Variants in KIRREL1 observed in about 807,000 individuals in gnomAD.
The protein encoded by KIRREL1 is kin of IRRE-like protein 1.
In KIRREL1, 25 loss-of-function variants were observed where a neutral mutation model predicts 83.3. That is an observed-to-expected ratio of 0.30 (90% CI 0.22 to 0.42). KIRREL1 has a LOEUF of 0.42. KIRREL1 is among the 10% of genes least tolerant of loss of function. The probability of loss-of-function intolerance (pLI) is 1.00; values close to 1 mark genes in which losing one functional copy is unlikely to be tolerated. For synonymous variants in KIRREL1, 388 were observed against 410.4 expected, an observed-to-expected ratio of 0.95 and a Z score of 0.66; for missense variants, 812 against 1,032.3, an observed-to-expected ratio of 0.79 and a Z score of 2.92.
chr1:158,009,379 A>T (rs1659607575), intron 1 of KIRREL1, among the ~76,000 whole-genome samples: 1 of 152,240 alleles, frequency 6.6e-6, no homozygotes. Flanking sequence ...CTTCATTGGT[A>T]AATGGGAATC....
At chr1:158,086,513 G>C in intron 4 of KIRREL1, 83 bp from the exon 5 acceptor site, 13 of 1,424,234 alleles carry the variant, frequency 9.1e-6, no homozygotes, top group Non-Finnish European at 6.7e-6. Flanking sequence ...TCCAGCCCAA[G>C]CCCATCTCTG....
chr1:158,096,592 G>A lies in KIRREL1; in HGVS notation c.*1472G>A, dbSNP rs559904415. ...CCCTGACAGAGAACTTGTGCTGACC[G>A]GGAGAAGGTGGTGCGGAAGGGCACC... is the stretch of plus-strand genomic sequence containing the variant. On this transcript the variant is annotated 3_prime_UTR_variant, in exon 15 of 15. Transcript: ENST00000359209. The A allele has an allele frequency of 7.6e-4, 347 of 456,972 alleles. 2 individuals are homozygous for A. Among genetic ancestry groups the A allele is most frequent in the African/African-American group, 6.1e-3 (308 of 50,160 alleles). 28.3% of individuals were successfully genotyped at this position (456,972 alleles called of 1,614,324 possible).
At position 158,042,297 on chromosome 1, in the gene KIRREL1, G is replaced by C. The variant is rs1257986633; in HGVS notation, c.53-33816G>C. 4.0e-5 allele frequency among the ~76,000 whole-genome samples: 6 copies of C among 151,702 alleles called. 1 individual carries two copies. The highest frequency in any genetic ancestry group is 3.9e-4 in the Admixed American group (6 of 15,220). The stretch of plus-strand genomic sequence containing the variant: ...AATAAGGTTTCCAGGTGAACGTGCA[G>C]GTAAGGGGGGCCCGGCCTAGATGCT... On this transcript the variant is annotated intron_variant, in intron 1 of 14. Transcript: ENST00000359209.
At chr1:158,087,729 C>T (rs1662056714) in intron 5 of KIRREL1, 26 bp from the exon 6 acceptor site, 1 of 1,560,696 alleles carries the variant, frequency 6.4e-7, no homozygotes, top group Non-Finnish European at 8.8e-7. Flanking sequence ...AGAAAAGACC[C>T]TGACTCCCTG....
At chr1:158,006,904 T>C (rs1009372909) in intron 1 of KIRREL1, among the ~76,000 whole-genome samples, 1 of 152,202 alleles carries the variant, frequency 6.6e-6, no homozygotes, top group Non-Finnish European at 1.5e-5. Context: ...GGAGCAGGAA[T>C]GTTTTCCTCT....
intron 7 of KIRREL1, 67 bp downstream of exon 7, chr1:158,088,221 C>T (rs533586748): frequency 8.4e-5 from 136 of 1,609,470 alleles, no homozygotes; most frequent in Middle Eastern, 1.6e-4. Context: ...TGGACAGAGT[C>T]GGGGACTGCT....
chr1:158,040,289 G>C (rs908275047), intron 1 of KIRREL1, among the ~76,000 whole-genome samples: 5 of 152,098 alleles, frequency 3.3e-5, no homozygotes, highest in African/African-American at 7.2e-5. Context: ...ATCTAACTGG[G>C]GAAAGAGACA....
intron 5 of KIRREL1, among the ~76,000 whole-genome samples, chr1:158,087,060 C>CCCTT (rs1306913646): frequency 2.0e-5 from 3 of 152,122 alleles, no homozygotes; most frequent in Non-Finnish European, 2.9e-5. Flanking sequence ...GGCCTACAGT[C>CCCTT]CCTTATTCAA....
chr1:158,088,663 T>G (rs1351272516), intron 8 of KIRREL1, among the ~76,000 whole-genome samples: 1 of 151,408 alleles, frequency 6.6e-6, no homozygotes, highest in Non-Finnish European at 1.5e-5. Flanking sequence ...TTTTTGTATT[T>G]TTAGTAGAGA....
At position 158,097,768 on chromosome 1, in the gene KIRREL1, A is replaced by G. The variant is rs1242760442; in HGVS notation, c.*2648A>G. 1 of 152,376 alleles carries G rather than the reference A, an allele frequency of 6.6e-6. No homozygotes were observed. Among genetic ancestry groups the G allele is most frequent in the Non-Finnish European group, 1.5e-5 (1 of 68,212 alleles). 9.4% of individuals were successfully genotyped at this position (152,376 alleles called of 1,614,324 possible). On this transcript the variant is annotated 3_prime_UTR_variant, in exon 15 of 15. Coordinates refer to ENST00000359209, the MANE Select transcript of KIRREL1 (RefSeq NM_018240.7). Reference sequence around the variant, plus strand: ...GAGTCCTGCAACATGGTGATGCCTCAGTAGTTGGTGATCCTGATCACCTTT... The same window carrying G: ...GAGTCCTGCAACATGGTGATGCCTCGGTAGTTGGTGATCCTGATCACCTTT...
At chr1:158,029,491 G>A (rs1660265467) in intron 1 of KIRREL1, among the ~76,000 whole-genome samples, 1 of 152,220 alleles carries the variant, frequency 6.6e-6, no homozygotes, top group South Asian at 2.1e-4. Context: ...GGGTTGGTTA[G>A]AAGGTGAATA....
In KIRREL1 at chr1:158,093,410, G is replaced by A. The variant is rs200523607; in HGVS notation, c.1543G>A (p.Ala515Thr). Residue 515 changes from alanine to threonine, a missense_variant, in exon 12 of 15, where the codon GCC becomes ACC. Coordinates refer to ENST00000359209, the MANE Select transcript of KIRREL1 (RefSeq NM_018240.7). ...ASILLIFFFIALVFFLYRRRK... is the reference protein window; with the variant it reads ...ASILLIFFFITLVFFLYRRRK... ...CATCCTGCTCATCTTCTTCTTCATCGCCTTGGTATTCTTCCTCTACCGGCG... is the reference window on the plus strand; with the variant it reads ...CATCCTGCTCATCTTCTTCTTCATCACCTTGGTATTCTTCCTCTACCGGCG... The A allele has an allele frequency of 4.7e-5, 76 of 1,614,184 alleles. No homozygotes were observed. In the Admixed American group the frequency reaches 8.0e-4, roughly 17 times the overall value.
chr1:158,099,915 T>G lies in KIRREL1; in HGVS notation c.*4795T>G, dbSNP rs1293837349. On this transcript the variant is annotated 3_prime_UTR_variant, in exon 15 of 15. Coordinates refer to ENST00000359209, the MANE Select transcript of KIRREL1 (RefSeq NM_018240.7). The stretch of plus-strand genomic sequence containing the variant: ...CCAGAAAATTTTGAGAAGTCCAATT[T>G]CACCAGAAGAGGCCCAGGGCTCCCT... 1 of 152,118 alleles carries G rather than the reference T, an allele frequency of 6.6e-6. No individual in the cohort carries two copies. The highest frequency in any genetic ancestry group is 2.4e-5 in the African/African-American group (1 of 41,416). The allele number at this position is 152,118 out of a possible 1,614,324, so 9.4% of individuals were successfully genotyped here. A position where few individuals can be genotyped will look rare whatever the true frequency, so the allele number is the denominator to read the frequency against.
intron 1 of KIRREL1, among the ~76,000 whole-genome samples, chr1:158,039,624 C>T (rs376329539): frequency 2.0e-5 from 3 of 152,228 alleles, no homozygotes; most frequent in East Asian, 1.9e-4. Context: ...CCAATCATGC[C>T]AATTGTTCCT....
Position 158,064,706 on chromosome 1 carries a change from G to A in KIRREL1, c.53-11407G>A, listed in dbSNP as rs899229927. On this transcript the variant is annotated intron_variant, in intron 1 of 14. Transcript: ENST00000359209. ...CTAGGGCTTGTATGGAAGGGGCAGT[G>A]ATGGGGTCTGGGGACACACCTGTGT... 4.6e-5 allele frequency among the ~76,000 whole-genome samples: 7 copies of A among 152,268 alleles called. No homozygotes were observed. In the East Asian group the frequency reaches 1.4e-3, roughly 29 times the overall value.
chr1:158,090,206 T>G (rs1662154108), intron 10 of KIRREL1, among the ~76,000 whole-genome samples: 1 of 152,062 alleles, frequency 6.6e-6, no homozygotes. Context: ...CTCATCTGCC[T>G]GTCATTGACC....
At chr1:158,006,111 C>T (rs1659512986) in intron 1 of KIRREL1, among the ~76,000 whole-genome samples, 2 of 152,186 alleles carry the variant, frequency 1.3e-5, no homozygotes, top group South Asian at 4.1e-4. Flanking sequence ...CTTCTTGGAA[C>T]ACAGAACCTG....
intron 1 of KIRREL1, among the ~76,000 whole-genome samples, chr1:158,023,608 A>C (rs1421334978): frequency 6.6e-6 from 1 of 152,172 alleles, no homozygotes; most frequent in African/African-American, 2.4e-5. Flanking sequence ...AAAGAGCACA[A>C]GTAGGGGGAC....
chr1:158,043,866 C>A (rs1660706030), intron 1 of KIRREL1, among the ~76,000 whole-genome samples: 1 of 152,170 alleles, frequency 6.6e-6, no homozygotes, highest in African/African-American at 2.4e-5. Context: ...CATGTTTAAC[C>A]CTATTTTTCC....
Sources: allele counts gnomAD v4.1 joint callset (sites outside exome capture counted in the v4.1 genomes callset), GRCh38; gene constraint gnomAD v4.1.1; transcripts MANE v1.5; gene names NCBI Gene and HGNC (gene_info 2026-07-23, HGNC 2026-07-21).